The following PRG4 variants were observed in gnomAD, a reference collection of about 807,000 sequenced individuals.
PRG4 encodes proteoglycan 4.
A neutral mutation model predicts 91.2 loss-of-function variants in PRG4; 61 were observed. The observed-to-expected ratio is 0.67, with a 90% CI of 0.54 to 0.83. PRG4 has a LOEUF of 0.83. Ranked by LOEUF, PRG4 falls within the 40% of genes least tolerant of loss-of-function variation. The pLI, the probability that PRG4 is intolerant of heterozygous loss-of-function variation, is 0.00. For missense variants in PRG4, 1,564 were observed against 1,714.2 expected, an observed-to-expected ratio of 0.91 and a Z score of 1.55; for synonymous variants, 576 against 614.2, an observed-to-expected ratio of 0.94 and a Z score of 0.92.
At chr1:186,305,275 CTTTAT>C (rs1255733870) in intron 6 of PRG4, among the ~76,000 whole-genome samples, 1 of 152,184 alleles carries the variant, frequency 6.6e-6, no homozygotes, top group Non-Finnish European at 1.5e-5. Context: ...CCTTCCCCAG[CTTTAT>C]TTTAACAAAC....
chr1:186,303,042 AT>A (rs920781196), intron 4 of PRG4, among the ~76,000 whole-genome samples: 6 of 152,154 alleles, frequency 3.9e-5, no homozygotes, highest in African/African-American at 1.4e-4. Flanking sequence ...TCAATACTTC[AT>A]TTTTTAAGTG....
intron 11 of PRG4, 30 bp downstream of exon 11, chr1:186,312,402 T>G: frequency 6.3e-7 from 1 of 1,575,260 alleles, no homozygotes; most frequent in Non-Finnish European, 8.7e-7. Context: ...AAAAAAATCC[T>G]TAAACATAAG....
rs1656921724 is a variant in PRG4 at position 186,308,571 on chromosome 1, C to A, written c.2852C>A (p.Ser951Tyr). The change falls in exon 7 of 13, where the codon TCC (serine) becomes TAC (tyrosine). Residue 951 changes from serine (S) to tyrosine (Y), a missense_variant. By Grantham distance (144) the Ser-to-Tyr change is moderately radical. This residue lies in a region of PRG4 where 1,079 missense variants were observed against 1,162.2 expected (regional missense o/e 0.93). Coordinates refer to ENST00000445192, the MANE Select transcript of PRG4 (RefSeq NM_005807.6). Reference protein sequence around the residue: ...TATTTEKTTESKITATTTQVT... With the variant: ...TATTTEKTTEYKITATTTQVT... ...ACTACAACAGAAAAAACTACCGAAT[C>A]CAAAATAACAGCTACAACCACACAA... The A allele has an allele frequency of 6.2e-7, 1 of 1,613,480 alleles. No homozygotes were observed.
Position 186,307,330 on chromosome 1 carries a change from T to C in PRG4, c.1611T>C (p.Pro537=). The change falls in exon 7 of 13, where the codon CCT becomes CCC. Residue 537 remains proline, a synonymous_variant. Coordinates refer to ENST00000445192, the MANE Select transcript of PRG4 (RefSeq NM_005807.6). ...TKSAPTTTKE[P]APTTTKSAPT... ...CTGCACCCACCACTACCAAGGAGCCTGCACCCACCACTACCAAGTCTGCAC... is the reference window on the plus strand; with the variant it reads ...CTGCACCCACCACTACCAAGGAGCCCGCACCCACCACTACCAAGTCTGCAC... The C allele has an allele frequency of 6.4e-7, 1 of 1,574,604 alleles. No homozygotes were observed. The highest frequency in any genetic ancestry group is 8.6e-7 in the Non-Finnish European group (1 of 1,167,376).
At position 186,309,831 on chromosome 1, in the gene PRG4, C is replaced by T; in HGVS notation, c.3460C>T (p.Leu1154=). 6.2e-7 allele frequency: 1 copy of T among 1,613,632 alleles called. No homozygotes were observed. The highest frequency in any genetic ancestry group is 8.5e-7 in the Non-Finnish European group (1 of 1,179,710). ...ATGCAATGGTAAGCCAGTAGATGGA[C>T]TGACTACTTTGCGCAATGGGACATT... ...NICNGKPVDG[L]TTLRNGTLVA... is the part of the protein sequence containing the mutation. Residue 1154 remains leucine (L), a synonymous_variant, in exon 8 of 13, where the codon CTG becomes TTG. Transcript: ENST00000445192.
intron 2 of PRG4, among the ~76,000 whole-genome samples, chr1:186,298,025 A>G (rs1400918133): frequency 6.6e-6 from 1 of 152,218 alleles, no homozygotes; most frequent in Non-Finnish European, 1.5e-5. Context: ...CCTCTGTGAT[A>G]CAATTGGTTG....
chr1:186,313,643 T>G, intron 12 of PRG4, 38 bp from the exon 13 acceptor site: 1 of 1,278,280 alleles, frequency 7.8e-7, no homozygotes, highest in Non-Finnish European at 1.1e-6. Flanking sequence ...GGGCATTGTT[T>G]TCTTTTTAAC....
Position 186,311,596 on chromosome 1 carries a change from G to T in PRG4, c.3793G>T (p.Gly1265Cys). 6.2e-7 allele frequency: 1 copy of T among 1,613,062 alleles called. No individual in the cohort carries two copies. Reference sequence around the variant, plus strand: ...TGAATCTGTGTATTTTTTCAAGAGAGGTATGTGTTACATAATTGACAAGAT... The same window carrying T: ...TGAATCTGTGTATTTTTTCAAGAGATGTATGTGTTACATAATTGACAAGAT... Reference protein sequence around the residue: ...WPESVYFFKRGGSIQQYIYKQ... With the variant: ...WPESVYFFKRCGSIQQYIYKQ... Residue 1265 changes from glycine (G) to cysteine (C), a missense_variant and splice_region_variant, in exon 10 of 13, where the codon GGT becomes TGT. This residue lies in a region of PRG4 where 1,079 missense variants were observed against 1,162.2 expected (regional missense o/e 0.93). Coordinates refer to ENST00000445192, the MANE Select transcript of PRG4 (RefSeq NM_005807.6).
In PRG4 at chr1:186,306,406, T is replaced by G. The variant is rs1224648411; in HGVS notation, c.687T>G (p.Gly229=). 6.2e-7 allele frequency: 1 copy of G among 1,613,342 alleles called. No individual in the cohort carries two copies. Among genetic ancestry groups the G allele is most frequent in the Admixed American group, 1.7e-5 (1 of 59,974 alleles). The change falls in exon 7 of 13, where the codon GGT becomes GGG. Residue 229 remains glycine (G), a synonymous_variant. Coordinates refer to ENST00000445192, the MANE Select transcript of PRG4 (RefSeq NM_005807.6). ...VDEAGSGLDN[G]DFKVTTPDTS... ...AAGCTGGAAGTGGATTGGACAATGG[T>G]GACTTCAAGGTCACAACTCCTGACA... is the stretch of plus-strand genomic sequence containing the variant.
In PRG4 at chr1:186,296,859, G is replaced by A. The variant is rs774599749; in HGVS notation, c.-17G>A. 7 of 1,607,300 alleles carry A rather than the reference G, an allele frequency of 4.4e-6. No individual in the cohort carries two copies. The highest frequency in any genetic ancestry group is 2.2e-5 in the East Asian group (1 of 44,804). On this transcript the variant is annotated 5_prime_UTR_variant, in exon 2 of 13. Coordinates refer to ENST00000445192, the MANE Select transcript of PRG4 (RefSeq NM_005807.6). Reference sequence around the variant, plus strand: ...TTTTATTTTCAGCAAGGGTACCTACGGTACCTGAAAACAACGATGGCATGG... The same window carrying A: ...TTTTATTTTCAGCAAGGGTACCTACAGTACCTGAAAACAACGATGGCATGG...
chr1:186,311,540 C>T lies in PRG4; in HGVS notation c.3737C>T (p.Ala1246Val), dbSNP rs369724686. Residue 1246 changes from alanine to valine, a missense_variant, in exon 10 of 13, where the codon GCG becomes GTG. By Grantham distance (64) the Ala-to-Val change is moderately conservative. Coordinates refer to ENST00000445192, the MANE Select transcript of PRG4 (RefSeq NM_005807.6). ...GGACTAACTGGACAAATAGTGGCAG[C>T]GCTTTCAACAGCTAAATATAAGAAC... Reference protein sequence around the residue: ...FGGLTGQIVAALSTAKYKNWP... With the variant: ...FGGLTGQIVAVLSTAKYKNWP... 14 of 1,613,786 alleles carry T rather than the reference C, an allele frequency of 8.7e-6. No homozygotes were observed. The highest frequency in any genetic ancestry group is 5.0e-5 in the Admixed American group (3 of 60,004).
intron 6 of PRG4, among the ~76,000 whole-genome samples, chr1:186,306,011 C>A (rs1260362189): frequency 6.6e-6 from 1 of 152,084 alleles, no homozygotes; most frequent in African/African-American, 2.4e-5. Flanking sequence ...GGGTAAAGAA[C>A]ATTAATATAA....
At position 186,306,360 on chromosome 1, in the gene PRG4, C is replaced by G. The variant is rs147798750; in HGVS notation, c.641C>G (p.Pro214Arg). 36 of 1,609,800 alleles carry G rather than the reference C, an allele frequency of 2.2e-5. No individual in the cohort carries two copies. In the African/African-American group the frequency reaches 4.7e-4, roughly 21 times the overall value. Residue 214 changes from proline to arginine, a missense_variant, in exon 7 of 13, where the codon CCC becomes CGC. By Grantham distance (103) the Pro-to-Arg change is moderately radical. Transcript: ENST00000445192. ...AACAGAACTAAAAAGAAACCTACCC[C>G]CAAACCACCAGTTGTAGATGAAGCT... is the stretch of plus-strand genomic sequence containing the variant. ...KKNRTKKKPT[P>R]KPPVVDEAGS...
rs769360017 is a variant in PRG4, at chr1:186,301,687, G to A, written c.295G>A (p.Asp99Asn). 1.5e-5 allele frequency: 25 copies of A among 1,613,604 alleles called. 1 individual carries two copies. The highest frequency in any genetic ancestry group is 5.5e-5 in the South Asian group (5 of 91,064). ...QCKKYDKCCP[D>N]YESFCAEVHN... ...TAAGAAGTATGACAAGTGCTGTCCC[G>A]ATTATGAGAGTTTCTGTGCAGAAGG... The change falls in exon 4 of 13, where the codon GAT becomes AAT. Residue 99 changes from aspartate to asparagine, a missense_variant. Around this residue, in one of 3 missense-constraint regions of PRG4, gnomAD observed 437 missense variants for 459.0 expected, o/e 0.95. Transcript: ENST00000445192.
In PRG4 at chr1:186,307,625, A is replaced by C. The variant is rs1571569844; in HGVS notation, c.1906A>C (p.Thr636Pro). 3.1e-6 allele frequency: 4 copies of C among 1,302,466 alleles called. No homozygotes were observed. The highest frequency in any genetic ancestry group is 9.9e-7 in the Non-Finnish European group (1 of 1,012,072). The allele number at this position is 1,302,466 out of a possible 1,614,324, so 80.7% of individuals were successfully genotyped here. The change falls in exon 7 of 13, where the codon ACC becomes CCC. Residue 636 changes from threonine (T) to proline (P), a missense_variant. Thr to Pro is a conservative substitution (Grantham distance 38, BLOSUM62 -1). This residue lies in a region of PRG4 where 1,079 missense variants were observed against 1,162.2 expected (regional missense o/e 0.93). Coordinates refer to ENST00000445192, the MANE Select transcript of PRG4 (RefSeq NM_005807.6). ...CACCCCCGAGAAGCTCGCACCCACC[A>C]CCCCTGAGAAGCCCGCACCCACCAC... ...PTTPEKLAPTTPEKPAPTTPE... is the reference protein window; with the variant it reads ...PTTPEKLAPTPPEKPAPTTPE...
rs1237711684 is a variant in PRG4 at position 186,305,037 on chromosome 1, CTT to C, written c.598+117_598+118del. On this transcript the variant is annotated intron_variant, in intron 6 of 12. Transcript: ENST00000445192. ...CATCTTAATATGGGGGGGAATATAA[CTT>C]TATGAATATTATCTTAGAAAGTACC... 8 of 1,163,588 alleles carry C rather than the reference CTT, an allele frequency of 6.9e-6. No individual in the cohort carries two copies. In the African/African-American group the frequency reaches 7.8e-5, roughly 11 times the overall value. 72.1% of individuals were successfully genotyped at this position (1,163,588 alleles called of 1,614,324 possible).
chr1:186,301,144 C>G (rs1338340490), intron 3 of PRG4, among the ~76,000 whole-genome samples: 4 of 151,998 alleles, frequency 2.6e-5, no homozygotes, highest in Non-Finnish European at 5.9e-5. Context: ...AAAAATGACC[C>G]ATTTACGTGG....
Position 186,307,092 on chromosome 1 carries a change from A to G in PRG4, c.1373A>G (p.Glu458Gly), listed in dbSNP as rs570421084. The stretch of plus-strand genomic sequence containing the variant: ...GAGCCTGCACCCACCACTCCCAAGG[A>G]GCCTACACCCACCACTCCCAAGGAG... ...PKEPAPTTPK[E>G]PTPTTPKEPA... Residue 458 changes from glutamate to glycine, a missense_variant, in exon 7 of 13, where the codon GAG becomes GGG. Physicochemically the swap from Glu to Gly is moderately conservative, Grantham distance 98 (BLOSUM62 -2). Coordinates refer to ENST00000445192, the MANE Select transcript of PRG4 (RefSeq NM_005807.6). The G allele has an allele frequency of 1.9e-5, 30 of 1,573,640 alleles. No individual in the cohort carries two copies. In the East Asian group the frequency reaches 5.6e-4, roughly 29 times the overall value.
chr1:186,311,600 T>A lies in PRG4; in HGVS notation c.3793+4T>A. The stretch of plus-strand genomic sequence containing the variant: ...TCTGTGTATTTTTTCAAGAGAGGTA[T>A]GTGTTACATAATTGACAAGATTACA... On this transcript the variant is annotated splice_donor_region_variant and intron_variant, in intron 10 of 12. Coordinates refer to ENST00000445192, the MANE Select transcript of PRG4 (RefSeq NM_005807.6). 1 of 1,613,058 alleles carries A rather than the reference T, an allele frequency of 6.2e-7. No individual in the cohort carries two copies. Among genetic ancestry groups the A allele is most frequent in the Non-Finnish European group, 8.5e-7 (1 of 1,179,112 alleles).
Sources: gnomAD v4.1 joint callset for allele counts (sites outside exome capture counted in the v4.1 genomes callset) on GRCh38, gnomAD v4.1.1 for gene constraint, gnomAD v4.1.1 regional missense constraint, MANE v1.5 for transcripts, NCBI Gene and HGNC (gene_info 2026-07-23, HGNC 2026-07-21) for gene names.